The following GCDH variants were observed in gnomAD, a reference collection of about 807,000 sequenced individuals.
The protein encoded by GCDH is glutaryl-CoA dehydrogenase, mitochondrial.
In GCDH, 31 loss-of-function variants were observed where a neutral mutation model predicts 52.8. The observed-to-expected ratio is 0.59, with a 90% CI of 0.44 to 0.79. The LOEUF (loss-of-function observed/expected upper bound fraction) is 0.79, where lower values mean the gene tolerates loss of function less well. Ranked by LOEUF, GCDH falls within the 30% of genes least tolerant of loss-of-function variation. The probability of loss-of-function intolerance (pLI) is 0.00; values close to 1 mark genes in which losing one functional copy is unlikely to be tolerated. For missense variants in GCDH, 509 were observed against 595.0 expected, an observed-to-expected ratio of 0.86 and a Z score of 1.50; for synonymous variants, 242 against 250.0, an observed-to-expected ratio of 0.97 and a Z score of 0.30.
At chr19:12,894,446 A>G (rs547206634) in intron 6 of GCDH, 85 of 743,092 alleles carry the variant, frequency 1.1e-4, no homozygotes, top group Non-Finnish European at 1.8e-4. Context: ...GTGGATGCCA[A>G]TCTGAGTGTT....
At chr19:12,892,676 G>A (rs1053953128) in intron 5 of GCDH, among the ~76,000 whole-genome samples, 2 of 151,216 alleles carry the variant, frequency 1.3e-5, no homozygotes, top group African/African-American at 2.4e-5. Flanking sequence ...TCCACCTCCC[G>A]GGTTTAAGTG....
intron 6 of GCDH, chr19:12,894,322 A>G (rs1970624730): frequency 8.9e-6 from 7 of 790,066 alleles, no homozygotes; most frequent in Non-Finnish European, 1.6e-5. Flanking sequence ...TTTCCCCTTG[A>G]AACAGGGTGT....
At chr19:12,894,523 T>C (rs1970630326) in intron 6 of GCDH, 12 of 685,488 alleles carry the variant, frequency 1.8e-5, no homozygotes, top group Admixed American at 4.0e-5. Flanking sequence ...CTATGATGCC[T>C]CGTCACCTGG....
At chr19:12,893,731 G>A in intron 6 of GCDH, 78 bp downstream of exon 6, 2 of 1,315,174 alleles carry the variant, frequency 1.5e-6, no homozygotes, top group Non-Finnish European at 2.2e-6. Context: ...GCTGTCCCCT[G>A]AGCCTATTCT....
rs533356351 is a variant in GCDH at position 12,899,848 on chromosome 19, G to A, written c.*307G>A. On this transcript the variant is annotated 3_prime_UTR_variant, in exon 12 of 12. Coordinates refer to ENST00000222214, the MANE Select transcript of GCDH (RefSeq NM_000159.4). Reference sequence around the variant, plus strand: ...TGACATGGAAGCAACTCCGTCTGCTGCAGCTGACCCCCTCACACTGAGTTC... The same window carrying A: ...TGACATGGAAGCAACTCCGTCTGCTACAGCTGACCCCCTCACACTGAGTTC... 34 of 1,576,932 alleles carry A rather than the reference G, an allele frequency of 2.2e-5. No homozygotes were observed. Among genetic ancestry groups the A allele is most frequent in the Middle Eastern group, 1.7e-4 (1 of 6,008 alleles).
chr19:12,896,154 CAG>C lies in GCDH; in HGVS notation c.635+34_635+35del. ...TTCTGGGTGGTGGGCAGGTGGTGAACAGGGGCAAAGGGGCACTGGTCAGACCC... is the reference window on the plus strand; with the variant it reads ...TTCTGGGTGGTGGGCAGGTGGTGAACGGGCAAAGGGGCACTGGTCAGACCC... On this transcript the variant is annotated intron_variant, in intron 7 of 11. Coordinates refer to ENST00000222214, the MANE Select transcript of GCDH (RefSeq NM_000159.4). This position sits in a 1 kb window ranked among gnomAD's most constrained non-coding sequence, Gnocchi z 5.5. 6.2e-7 allele frequency: 1 copy of C among 1,614,112 alleles called. No homozygotes were observed. The highest frequency in any genetic ancestry group is 8.5e-7 in the Non-Finnish European group (1 of 1,180,010).
chr19:12,893,407 C>T, intron 5 of GCDH, 76 bp from the exon 6 acceptor site: 1 of 1,306,612 alleles, frequency 7.7e-7, no homozygotes, highest in Non-Finnish European at 1.1e-6. Flanking sequence ...TGTCCTTATT[C>T]AGCCCTGTCT....
chr19:12,896,466 A>G lies in GCDH; in HGVS notation c.852+45A>G, dbSNP rs753752931. ...GGAATGGGTGTTGGGTCACCTGCGG[A>G]TGCGGCTTTGTCAGGCAGGCTCCGT... is the stretch of plus-strand genomic sequence containing the variant. On this transcript the variant is annotated intron_variant, in intron 8 of 11. Coordinates refer to ENST00000222214, the MANE Select transcript of GCDH (RefSeq NM_000159.4). This position sits in a 1 kb window ranked among gnomAD's most constrained non-coding sequence, Gnocchi z 5.5. 1.4e-5 allele frequency: 20 copies of G among 1,451,030 alleles called. No individual in the cohort carries two copies. The South Asian group carries it at 2.2e-4, about 16-fold the overall frequency. 89.9% of individuals were successfully genotyped at this position (1,451,030 alleles called of 1,614,324 possible).
At position 12,896,409 on chromosome 19, in the gene GCDH, A is replaced by C. The variant is rs2145951627; in HGVS notation, c.840A>C (p.Ala280=). ...CAGAGGAGAATGTGCTCCCTGGTGC[A>C]TCCAGCCTGGGGGTAAGTGGCAGCC... is the stretch of plus-strand genomic sequence containing the variant. ...EVPEENVLPG[A]SSLGGPFGCL... Residue 280 remains alanine, a synonymous_variant, in exon 8 of 12, where the codon GCA becomes GCC. Coordinates refer to ENST00000222214, the MANE Select transcript of GCDH (RefSeq NM_000159.4). The surrounding 1 kb of genome is among the most constrained non-coding windows in gnomAD (Gnocchi z 5.5). The C allele has an allele frequency of 6.2e-7, 1 of 1,613,144 alleles. No homozygotes were observed. The highest frequency in any genetic ancestry group is 8.5e-7 in the Non-Finnish European group (1 of 1,179,632).
At chr19:12,897,208 G>T in intron 9 of GCDH, 95 bp from the exon 10 acceptor site, 1 of 1,521,814 alleles carries the variant, frequency 6.6e-7, no homozygotes, top group Non-Finnish European at 9.0e-7. Flanking sequence ...CACTGAGGCA[G>T]CCTGGGAAGG....
intron 11 of GCDH, chr19:12,898,903 G>A: frequency 4.7e-6 from 1 of 214,772 alleles, no homozygotes; most frequent in Non-Finnish European, 9.5e-6. Flanking sequence ...ACCAGGGCAT[G>A]GGGTGTGGGA....
Position 12,898,943 on chromosome 19 carries a change from A to G in GCDH, c.1244-525A>G, listed in dbSNP as rs147556113. 1,181 of 256,444 alleles carry G rather than the reference A, an allele frequency of 4.6e-3. 14 individuals are homozygous for G. Among genetic ancestry groups the G allele is most frequent in the African/African-American group, 0.024 (1,096 of 44,892 alleles). The allele number at this position is 256,444 out of a possible 1,614,324, so 15.9% of individuals were successfully genotyped here. ...CTGGGAGAGGCGGCTTCAGATGGGC[A>G]GAGGTCAGCTGAGGCAAGTGACTGC... On this transcript the variant is annotated intron_variant, in intron 11 of 11. Coordinates refer to ENST00000222214, the MANE Select transcript of GCDH (RefSeq NM_000159.4).
chr19:12,896,078 A>G lies in GCDH; in HGVS notation c.592A>G (p.Asn198Asp). 1 of 1,614,004 alleles carries G rather than the reference A, an allele frequency of 6.2e-7. No individual in the cohort carries two copies. Among genetic ancestry groups the G allele is most frequent in the African/African-American group, 1.3e-5 (1 of 74,994 alleles). Residue 198 changes from asparagine (N) to aspartate (D), a missense_variant, in exon 7 of 12, where the codon AAC (asparagine) becomes GAC (aspartate). Coordinates refer to ENST00000222214, the MANE Select transcript of GCDH (RefSeq NM_000159.4). The surrounding 1 kb of genome is among the most constrained non-coding windows in gnomAD (Gnocchi z 5.5). ...CAGCATGGAGACCAGAGCCCACTAC[A>G]ACTCATCCAACAAGAGCTACACCCT... The part of the protein sequence containing the change: ...PSSMETRAHY[N>D]SSNKSYTLNG...
At chr19:12,893,847 C>T in intron 6 of GCDH, 194 bp downstream of exon 6, 1 of 659,554 alleles carries the variant, frequency 1.5e-6, no homozygotes, top group Admixed American at 2.1e-5. Context: ...CCCTCTGTGA[C>T]CACCGTCATC....
At chr19:12,894,377 C>T in intron 6 of GCDH, 1 of 760,298 alleles carries the variant, frequency 1.3e-6, no homozygotes. Context: ...AAGGGGCATT[C>T]CTATTACAGA....
chr19:12,893,491 T>G lies in GCDH; in HGVS notation c.343T>G (p.Cys115Gly). The change falls in exon 6 of 12, where the codon TGT becomes GGT. Residue 115 changes from cysteine to glycine, a missense_variant. Coordinates refer to ENST00000222214, the MANE Select transcript of GCDH (RefSeq NM_000159.4). ...VLGPTIKGYG[C>G]AGVSSVAYGL... ...CCTCCTACTACCACCAGGATATGGC[T>G]GTGCTGGGGTTTCGTCTGTGGCCTA... 1 of 1,613,974 alleles carries G rather than the reference T, an allele frequency of 6.2e-7. No homozygotes were observed. The highest frequency in any genetic ancestry group is 8.5e-7 in the Non-Finnish European group (1 of 1,179,856).
chr19:12,892,200 C>T (rs1344451576), intron 5 of GCDH, 22 bp downstream of exon 5: 1 of 1,591,138 alleles, frequency 6.3e-7, no homozygotes, highest in Non-Finnish European at 8.6e-7. Flanking sequence ...TATCTCTCCA[C>T]ACACTGCAGA....
intron 6 of GCDH, 130 bp from the exon 7 acceptor site, chr19:12,895,862 C>T: frequency 3.8e-6 from 4 of 1,062,446 alleles, no homozygotes; most frequent in Non-Finnish European, 2.9e-6. Flanking sequence ...TCAATTGATC[C>T]ACCTGCCTTG....
rs933742715 is a variant in GCDH at position 12,893,490 on chromosome 19, C to T, written c.342C>T (p.Gly114=). Residue 114 remains glycine, a synonymous_variant, in exon 6 of 12, where the codon GGC becomes GGT. Transcript: ENST00000222214. ...CCCTCCTACTACCACCAGGATATGGCTGTGCTGGGGTTTCGTCTGTGGCCT... is the reference window on the plus strand; with the variant it reads ...CCCTCCTACTACCACCAGGATATGGTTGTGCTGGGGTTTCGTCTGTGGCCT... ...GVLGPTIKGY[G]CAGVSSVAYG... is the part of the protein sequence containing the mutation. 1 of 1,613,812 alleles carries T rather than the reference C, an allele frequency of 6.2e-7. No homozygotes were observed. Among genetic ancestry groups the T allele is most frequent in the Non-Finnish European group, 8.5e-7 (1 of 1,179,684 alleles).
Sources: allele counts gnomAD v4.1 joint callset (sites outside exome capture counted in the v4.1 genomes callset), GRCh38; gene constraint gnomAD v4.1.1; non-coding constraint Gnocchi (gnomAD v3.1); transcripts MANE v1.5; gene names NCBI Gene and HGNC (gene_info 2026-07-23, HGNC 2026-07-21).